Variants in ABI2 observed in about 807,000 individuals in gnomAD.
ABI2 encodes the protein abelson interactor 2.
ABI2 carries 25 observed loss-of-function variants against 59.2 expected under a neutral mutation model. The ratio of observed to expected loss-of-function variants is 0.42; its 90% confidence interval spans 0.31 to 0.59. ABI2 has a LOEUF of 0.59. Among genes scored for constraint, ABI2 ranks in the 20% least tolerant of loss-of-function variants. ABI2 has a pLI of 0.14. For synonymous variants in ABI2, 213 were observed against 235.5 expected, an observed-to-expected ratio of 0.90 and a Z score of 0.87; for missense variants, 545 against 681.8, an observed-to-expected ratio of 0.80 and a Z score of 2.23.
chr2:203,389,409 G>A (rs2153318998), intron 4 of ABI2, among the ~76,000 whole-genome samples: 1 of 152,224 alleles, frequency 6.6e-6, no homozygotes, highest in Non-Finnish European at 1.5e-5. Context: ...TGAAGAATTT[G>A]TTTCTTGAGA....
intron 8 of ABI2, among the ~76,000 whole-genome samples, chr2:203,399,960 CTG>C: frequency 6.6e-6 from 1 of 150,980 alleles, no homozygotes; most frequent in Non-Finnish European, 1.5e-5. Flanking sequence ...AGATTTTGTT[CTG>C]TGTTTTCTTC....
intron 1 of ABI2, among the ~76,000 whole-genome samples, chr2:203,360,270 TA>T (rs1321471977): frequency 2.6e-5 from 4 of 151,936 alleles, no homozygotes; most frequent in African/African-American, 9.7e-5. Context: ...TTTTAGGATT[TA>T]AAAAAACACT....
chr2:203,419,189 A>G (rs904539523), intron 11 of ABI2, among the ~76,000 whole-genome samples: 1 of 149,096 alleles, frequency 6.7e-6, no homozygotes, highest in Admixed American at 6.8e-5. Context: ...AGCTCACAGC[A>G]ACCTCCACCT....
intron 3 of ABI2, among the ~76,000 whole-genome samples, chr2:203,381,359 C>T (rs547822829): frequency 6.6e-6 from 1 of 152,320 alleles, no homozygotes; most frequent in South Asian, 2.1e-4. Context: ...TCGCTCCAAC[C>T]TTGTACTCCT....
At chr2:203,387,130 A>T (rs762735941) in intron 4 of ABI2, among the ~76,000 whole-genome samples, 4 of 142,506 alleles carry the variant, frequency 2.8e-5, no homozygotes, top group Non-Finnish European at 6.0e-5. Flanking sequence ...ATTAATATAT[A>T]AGGTGTATAC....
intron 1 of ABI2, among the ~76,000 whole-genome samples, chr2:203,334,129 C>T (rs977921309): frequency 6.6e-6 from 1 of 151,948 alleles, no homozygotes; most frequent in African/African-American, 2.4e-5. Context: ...TTAGTAAAGA[C>T]AGGGTTTCTC....
chr2:203,357,931 G>T (rs2092573450), intron 1 of ABI2, among the ~76,000 whole-genome samples: 1 of 151,890 alleles, frequency 6.6e-6, no homozygotes, highest in African/African-American at 2.4e-5. Context: ...ACCACACCTG[G>T]CTAATTTTTG....
At chr2:203,386,199 C>T (rs1049915246) in intron 4 of ABI2, among the ~76,000 whole-genome samples, 4 of 152,178 alleles carry the variant, frequency 2.6e-5, no homozygotes, top group African/African-American at 7.2e-5. Context: ...CCAAAGGTGA[C>T]TGACCTCACT....
At chr2:203,361,470 A>G (rs999486192) in intron 1 of ABI2, among the ~76,000 whole-genome samples, 1 of 152,162 alleles carries the variant, frequency 6.6e-6, no homozygotes, top group Non-Finnish European at 1.5e-5. Context: ...CCTGTCTCAG[A>G]AAAGAAAAAA....
At chr2:203,387,502 A>G (rs993709515) in intron 4 of ABI2, among the ~76,000 whole-genome samples, 10 of 152,218 alleles carry the variant, frequency 6.6e-5, no homozygotes, top group Non-Finnish European at 1.3e-4. Context: ...GTGGCCATGC[A>G]TTAACCTTCA....
chr2:203,364,140 T>TTGGGGTGTAG (rs1165137797), intron 1 of ABI2, among the ~76,000 whole-genome samples: 39 of 148,490 alleles, frequency 2.6e-4, no homozygotes, highest in South Asian at 1.3e-3. Flanking sequence ...CTTGTCCAGG[T>TTGGGGTGTAG]TGGGGTGTAG....
At chr2:203,390,575 T>A (rs1028648853) in intron 4 of ABI2, among the ~76,000 whole-genome samples, 3 of 151,860 alleles carry the variant, frequency 2.0e-5, no homozygotes, top group African/African-American at 7.3e-5. Context: ...GAGGTTGCAG[T>A]GTGCCAAGAT....
chr2:203,385,136 A>ATTTTTTTTTTTTTTTTTT (rs1231169110), intron 4 of ABI2, among the ~76,000 whole-genome samples: 1 of 26,244 alleles, frequency 3.8e-5, no homozygotes, highest in African/African-American at 9.4e-5. Flanking sequence ...CCCGGCTCAG[A>ATTTTTTTTTTTTTTTTTT]TTCTTTTTTT....
intron 4 of ABI2, among the ~76,000 whole-genome samples, chr2:203,387,068 TTTTTTTTTC>T (rs1481871065): frequency 2.4e-5 from 3 of 125,096 alleles, no homozygotes; most frequent in East Asian, 4.1e-4. Flanking sequence ...TTTTTTTTTT[TTTTTTTTTC>T]CCCACATGCC....
intron 2 of ABI2, among the ~76,000 whole-genome samples, chr2:203,369,607 C>G (rs1199293817): frequency 6.6e-6 from 1 of 152,112 alleles, no homozygotes; most frequent in Non-Finnish European, 1.5e-5. Context: ...TTAAAGCTAT[C>G]TTAATGGATT....
At chr2:203,356,887 T>G (rs995754848) in intron 1 of ABI2, among the ~76,000 whole-genome samples, 2 of 152,134 alleles carry the variant, frequency 1.3e-5, no homozygotes, top group Admixed American at 1.3e-4. Flanking sequence ...TTGTAAGGAT[T>G]ATGCTTACGT....
intron 1 of ABI2, among the ~76,000 whole-genome samples, chr2:203,363,726 C>T (rs1016972121): frequency 2.6e-4 from 39 of 152,028 alleles, no homozygotes; most frequent in African/African-American, 8.2e-4. Context: ...TTTTTATGGC[C>T]GAATAGTACT....
chr2:203,367,743 C>T (rs540662297), intron 2 of ABI2, among the ~76,000 whole-genome samples: 185 of 152,164 alleles, frequency 1.2e-3, no homozygotes, highest in Non-Finnish European at 2.2e-3. Context: ...GGGCACACAT[C>T]TGTAATCCCA....
intron 9 of ABI2, among the ~76,000 whole-genome samples, chr2:203,404,138 G>T (rs555908265): frequency 6.6e-6 from 1 of 152,178 alleles, no homozygotes; most frequent in Non-Finnish European, 1.5e-5. Context: ...TTTTGGAGGG[G>T]AAGGCGGATG....
Sources: gnomAD v4.1 joint callset for allele counts (sites outside exome capture counted in the v4.1 genomes callset) on GRCh38, gnomAD v4.1.1 for gene constraint, MANE v1.5 for transcripts, NCBI Gene and HGNC (gene_info 2026-07-23, HGNC 2026-07-21) for gene names.